Variants in TMEM132B observed in about 807,000 individuals in gnomAD.
TMEM132B encodes the protein transmembrane protein 132B.
TMEM132B carries 18 observed loss-of-function variants against 90.8 expected under a neutral mutation model. That is an observed-to-expected ratio of 0.20 (90% confidence interval 0.14 to 0.29). The LOEUF (loss-of-function observed/expected upper bound fraction) is 0.29, where lower values mean the gene tolerates loss of function less well. Among genes scored for constraint, TMEM132B ranks in the 10% least tolerant of loss-of-function variants. TMEM132B has a pLI of 1.00. For missense variants in TMEM132B, 1,096 were observed against 1,326.8 expected, an observed-to-expected ratio of 0.83 and a Z score of 2.70; for synonymous variants, 504 against 523.3, an observed-to-expected ratio of 0.96 and a Z score of 0.50.
intron 4 of TMEM132B, among the ~76,000 whole-genome samples, chr12:125,567,425 C>G (rs1884685475): frequency 6.6e-6 from 1 of 152,050 alleles, no homozygotes; most frequent in Admixed American, 6.6e-5. Context: ...TCATCTCCTT[C>G]TTGCTCTGAC....
At chr12:125,644,364 C>T in intron 6 of TMEM132B, 83 bp downstream of exon 6, 1 of 1,476,798 alleles carries the variant, frequency 6.8e-7, no homozygotes, top group Non-Finnish European at 9.2e-7. Flanking sequence ...CTCAGGGACT[C>T]AAGCCATTGG....
Position 125,336,171 on chromosome 12 carries a change from C to T in TMEM132B, c.68-13281C>T, listed in dbSNP as rs556390480. On this transcript the variant is annotated intron_variant, in intron 1 of 8. Coordinates refer to ENST00000682704, the MANE Select transcript of TMEM132B (RefSeq NM_001366854.1). ...CAAACTCTTTCCAGCCCCTTCTGTC[C>T]GGCAGTCACCGATGTGTTCTTCATC... Among the ~76,000 whole-genome samples, 12 of 152,220 alleles carry T rather than the reference C, an allele frequency of 7.9e-5. 1 individual carries two copies. The South Asian group carries it at 8.3e-4, about 11-fold the overall frequency.
chr12:125,228,096 G>A (rs12371655), intron 1 of TMEM132B, among the ~76,000 whole-genome samples: 5,461 of 152,252 alleles, frequency 0.036, 128 homozygotes, highest in Non-Finnish European at 0.049. Flanking sequence ...TGCTTCTGGG[G>A]GATCCCAAAT....
At chr12:125,461,754 T>C (rs1881441158) in intron 3 of TMEM132B, among the ~76,000 whole-genome samples, 1 of 152,204 alleles carries the variant, frequency 6.6e-6, no homozygotes, top group South Asian at 2.1e-4. Context: ...GAACCTCAAA[T>C]CTCATCCCAG....
chr12:125,187,456 G>T (rs1189767180), intron 1 of TMEM132B, among the ~76,000 whole-genome samples: 1 of 151,354 alleles, frequency 6.6e-6, no homozygotes, highest in Non-Finnish European at 1.5e-5. Flanking sequence ...AGAGCAGCCC[G>T]CTGCGCGCCT....
rs576931713 is a variant in TMEM132B, at chr12:125,209,226, C to T, written c.67+22360C>T. Among the ~76,000 whole-genome samples, 5 of 152,276 alleles carry T rather than the reference C, an allele frequency of 3.3e-5. No individual in the cohort carries two copies. The highest frequency in any genetic ancestry group is 4.1e-4 in the South Asian group (2 of 4,820). On this transcript the variant is annotated intron_variant, in intron 1 of 8. Coordinates refer to ENST00000682704, the MANE Select transcript of TMEM132B (RefSeq NM_001366854.1). This position sits in a 1 kb window ranked among gnomAD's most constrained non-coding sequence, Gnocchi z 4.4. ...TGGCCAGCCTGAGCCTGGGTGCACA[C>T]GAGGGCCGCTCTCTTTCTGTAAATG... is the stretch of plus-strand genomic sequence containing the variant.
At chr12:125,272,355 T>C (rs1266729258) in intron 1 of TMEM132B, among the ~76,000 whole-genome samples, 1 of 152,236 alleles carries the variant, frequency 6.6e-6, no homozygotes, top group Non-Finnish European at 1.5e-5. Flanking sequence ...GAGTAGTTTC[T>C]GCAGCAGAAT....
At chr12:125,606,317 T>TA (rs1885695952) in intron 5 of TMEM132B, among the ~76,000 whole-genome samples, 1 of 148,164 alleles carries the variant, frequency 6.7e-6, no homozygotes, top group African/African-American at 2.4e-5. Flanking sequence ...TTCTTTCCTT[T>TA]TTTTTTTTTT....
intron 1 of TMEM132B, among the ~76,000 whole-genome samples, chr12:125,221,081 A>G (rs529682662): frequency 1.7e-3 from 261 of 152,370 alleles, no homozygotes; most frequent in African/African-American, 6.0e-3. Context: ...CCCCGCCTAC[A>G]GTAGCGCTCA....
chr12:125,326,537 TG>T (rs1460402253), intron 1 of TMEM132B: 3 of 1,303,732 alleles, frequency 2.3e-6, no homozygotes, highest in Admixed American at 2.3e-5. Context: ...TGCTGTTTGA[TG>T]GGGGGAGGTG....
intron 5 of TMEM132B, among the ~76,000 whole-genome samples, chr12:125,590,926 G>C (rs1468679041): frequency 6.6e-6 from 1 of 152,158 alleles, no homozygotes; most frequent in East Asian, 1.9e-4. Flanking sequence ...CACCTAGGAG[G>C]TCAGCCCCAG....
intron 2 of TMEM132B, among the ~76,000 whole-genome samples, chr12:125,409,497 G>A (rs1412129717): frequency 6.6e-6 from 1 of 152,120 alleles, no homozygotes; most frequent in African/African-American, 2.4e-5. Context: ...GAAGACTGAG[G>A]CGAGCGAGAA....
At chr12:125,260,517 T>C (rs1874539845) in intron 1 of TMEM132B, among the ~76,000 whole-genome samples, 1 of 151,924 alleles carries the variant, frequency 6.6e-6, no homozygotes, top group African/African-American at 2.4e-5. Flanking sequence ...TTTACCTTTT[T>C]TTTTTTTTTT....
intron 1 of TMEM132B, among the ~76,000 whole-genome samples, chr12:125,188,868 A>AG (rs1041927876): frequency 1.3e-5 from 2 of 151,338 alleles, no homozygotes; most frequent in Non-Finnish European, 2.9e-5. Flanking sequence ...AAAAAAAAAA[A>AG]AAAAAGAAAA....
At chr12:125,194,948 G>A (rs889651571) in intron 1 of TMEM132B, among the ~76,000 whole-genome samples, 4 of 152,132 alleles carry the variant, frequency 2.6e-5, no homozygotes, top group African/African-American at 4.8e-5. Flanking sequence ...ATTAGTTGCC[G>A]ACATTTAAAA....
intron 1 of TMEM132B, among the ~76,000 whole-genome samples, chr12:125,255,995 T>C (rs1322554147): frequency 6.7e-6 from 1 of 150,340 alleles, no homozygotes; most frequent in African/African-American, 2.5e-5. Flanking sequence ...TGTGTGTCGC[T>C]TTTTTTTTAA....
At chr12:125,417,481 T>C (rs1461221559) in intron 3 of TMEM132B, among the ~76,000 whole-genome samples, 1 of 152,170 alleles carries the variant, frequency 6.6e-6, no homozygotes, top group Non-Finnish European at 1.5e-5. Flanking sequence ...CCACACTCTT[T>C]GAAGCTGGTT....
intron 1 of TMEM132B, among the ~76,000 whole-genome samples, chr12:125,333,560 T>C (rs921238360): frequency 3.3e-5 from 5 of 152,168 alleles, no homozygotes; most frequent in Admixed American, 3.3e-4. Context: ...GAAAGTGGAC[T>C]GGAGGGCAGG....
At chr12:125,231,399 G>GC (rs1873818906) in intron 1 of TMEM132B, among the ~76,000 whole-genome samples, 1 of 152,134 alleles carries the variant, frequency 6.6e-6, no homozygotes, top group African/African-American at 2.4e-5. Context: ...TCAACCTACT[G>GC]CATGAGTGAC....
Sources: gnomAD v4.1 joint callset for allele counts (sites outside exome capture counted in the v4.1 genomes callset) on GRCh38, gnomAD v4.1.1 for gene constraint, Gnocchi (gnomAD v3.1) non-coding constraint, MANE v1.5 for transcripts, NCBI Gene and HGNC (gene_info 2026-07-23, HGNC 2026-07-21) for gene names.